GRID2: variants seen among roughly 807,000 people sequenced by gnomAD.
The protein encoded by GRID2 is glutamate receptor ionotropic, delta-2.
GRID2 carries 33 observed loss-of-function variants against 114.8 expected under a neutral mutation model. The observed-to-expected ratio is 0.29, with a 90% confidence interval of 0.22 to 0.38. GRID2 has a LOEUF of 0.38. Ranked by LOEUF, GRID2 falls within the 10% of genes least tolerant of loss-of-function variation. The pLI is 1.00. For synonymous variants in GRID2, 505 were observed against 449.9 expected, an observed-to-expected ratio of 1.12 and a Z score of -1.55; for missense variants, 1,184 against 1,257.7, an observed-to-expected ratio of 0.94 and a Z score of 0.89.
intron 2 of GRID2, among the ~76,000 whole-genome samples, chr4:93,081,241 A>G (rs991559060): frequency 6.6e-6 from 1 of 152,218 alleles, no homozygotes; most frequent in Non-Finnish European, 1.5e-5. Context: ...AAGAAGATAT[A>G]TGTTCAAAAA....
intron 2 of GRID2, among the ~76,000 whole-genome samples, chr4:92,609,313 C>T (rs953895108): frequency 2.0e-5 from 3 of 151,212 alleles, no homozygotes; most frequent in African/African-American, 7.3e-5. Context: ...TGTCTATGTG[C>T]CAAGTATTAG....
rs185345466 is a variant in GRID2, at chr4:92,388,497, T to C, written c.88+83753T>C. On this transcript the variant is annotated intron_variant, in intron 1 of 15. Coordinates refer to ENST00000282020, the MANE Select transcript of GRID2 (RefSeq NM_001510.4). ...ATGTAATTCCTCACCCCGAGGAAGG[T>C]TGAAAGTACAGTCTACATAATCATG... Among the ~76,000 whole-genome samples the C allele has an allele frequency of 1.8e-3, 275 of 152,110 alleles. 1 individual carries two copies. Among genetic ancestry groups the C allele is most frequent in the African/African-American group, 6.2e-3 (258 of 41,554 alleles).
intron 2 of GRID2, among the ~76,000 whole-genome samples, chr4:93,053,169 G>T (rs1726886628): frequency 6.6e-6 from 1 of 151,814 alleles, no homozygotes; most frequent in Non-Finnish European, 1.5e-5. Context: ...TTAAAGCGTT[G>T]TCCCAGAGCA....
At chr4:92,769,618 T>C (rs547491897) in intron 2 of GRID2, among the ~76,000 whole-genome samples, 2 of 152,186 alleles carry the variant, frequency 1.3e-5, no homozygotes, top group East Asian at 3.9e-4. Flanking sequence ...GAAATCTAGG[T>C]GGAGGTTCTC....
chr4:92,508,424 G>GAAGA (rs1054580679), intron 1 of GRID2, among the ~76,000 whole-genome samples: 1 of 151,886 alleles, frequency 6.6e-6, no homozygotes, highest in African/African-American at 2.4e-5. Flanking sequence ...TAAGTACTAT[G>GAAGA]AAGAAATCAA....
intron 1 of GRID2, among the ~76,000 whole-genome samples, chr4:92,436,513 T>C (rs1258779060): frequency 6.6e-6 from 1 of 152,150 alleles, no homozygotes. Context: ...TCAGCTTTTT[T>C]TTGGTTTGTT....
chr4:93,735,815 G>C (rs1249030931), intron 14 of GRID2, among the ~76,000 whole-genome samples: 1 of 152,016 alleles, frequency 6.6e-6, no homozygotes, highest in Non-Finnish European at 1.5e-5. Flanking sequence ...TCTCAGGTAA[G>C]TATTGAGAAG....
At chr4:92,439,154 G>T (rs1041722181) in intron 1 of GRID2, among the ~76,000 whole-genome samples, 1 of 151,768 alleles carries the variant, frequency 6.6e-6, no homozygotes, top group African/African-American at 2.4e-5. Flanking sequence ...CAGGAGTGGG[G>T]GTTGCAAGTT....
chr4:92,830,850 G>C (rs924927744), intron 2 of GRID2, among the ~76,000 whole-genome samples: 1 of 152,092 alleles, frequency 6.6e-6, no homozygotes, highest in African/African-American at 2.4e-5. Context: ...AAGTATCTGG[G>C]TATTGCAATA....
intron 2 of GRID2, among the ~76,000 whole-genome samples, chr4:92,964,899 G>A (rs563715780): frequency 7.9e-5 from 12 of 152,074 alleles, no homozygotes; most frequent in South Asian, 2.1e-4. Flanking sequence ...CTCACCATCC[G>A]TGTGTTCACT....
chr4:92,545,511 G>C (rs1726201917), intron 1 of GRID2, among the ~76,000 whole-genome samples: 1 of 152,126 alleles, frequency 6.6e-6, no homozygotes, highest in South Asian at 2.1e-4. Flanking sequence ...CTTGGTTCCA[G>C]ATTTTAGCTT....
intron 13 of GRID2, among the ~76,000 whole-genome samples, chr4:93,565,778 C>T (rs1021750129): frequency 1.8e-4 from 28 of 152,260 alleles, no homozygotes; most frequent in African/African-American, 6.0e-4. Context: ...AAGCTTTCTT[C>T]GCATTTAGAG....
intron 1 of GRID2, among the ~76,000 whole-genome samples, chr4:92,341,521 A>C (rs1369959610): frequency 6.6e-6 from 1 of 152,140 alleles, no homozygotes; most frequent in Non-Finnish European, 1.5e-5. Flanking sequence ...CCCCAAGGCC[A>C]CTCAATAATA....
intron 14 of GRID2, among the ~76,000 whole-genome samples, chr4:93,679,928 A>C (rs1377703606): frequency 6.6e-6 from 1 of 151,288 alleles, no homozygotes; most frequent in Non-Finnish European, 1.5e-5. Context: ...AACTAAAATC[A>C]GAGCAGAACT....
At chr4:93,200,426 C>T (rs1011622699) in intron 4 of GRID2, among the ~76,000 whole-genome samples, 10 of 151,894 alleles carry the variant, frequency 6.6e-5, no homozygotes, top group African/African-American at 2.2e-4. Context: ...ATTAGCCGGG[C>T]GTGGTAGCGG....
intron 2 of GRID2, among the ~76,000 whole-genome samples, chr4:92,956,210 A>G (rs2149143271): frequency 6.6e-6 from 1 of 152,312 alleles, no homozygotes; most frequent in East Asian, 1.9e-4. Context: ...ACTTGCTACA[A>G]TTGATGAAGA....
At chr4:92,835,960 G>C (rs1203649147) in intron 2 of GRID2, among the ~76,000 whole-genome samples, 1 of 151,964 alleles carries the variant, frequency 6.6e-6, no homozygotes, top group Non-Finnish European at 1.5e-5. Context: ...TGTATTTCTT[G>C]GTGTCAGAGA....
At chr4:92,685,156 C>T (rs1050793304) in intron 2 of GRID2, among the ~76,000 whole-genome samples, 1 of 151,968 alleles carries the variant, frequency 6.6e-6, no homozygotes, top group Non-Finnish European at 1.5e-5. Context: ...TTTTTCAAAT[C>T]TAAATATTTT....
At chr4:92,352,730 A>G (rs1208187113) in intron 1 of GRID2, among the ~76,000 whole-genome samples, 1 of 151,918 alleles carries the variant, frequency 6.6e-6, no homozygotes, top group African/African-American at 2.4e-5. Context: ...ATGCCTATCT[A>G]AGTCTTTTGC....
Sources: allele counts gnomAD v4.1 joint callset (sites outside exome capture counted in the v4.1 genomes callset), GRCh38; gene constraint gnomAD v4.1.1; transcripts MANE v1.5; gene names NCBI Gene and HGNC (gene_info 2026-07-23, HGNC 2026-07-21).